BIN3: variants seen among roughly 807,000 people sequenced by gnomAD.
BIN3 encodes bridging integrator 3.
BIN3 carries 41 observed loss-of-function variants against 38.2 expected under a neutral mutation model. The observed-to-expected ratio is 1.07, with a 90% CI of 0.84 to 1.39. The LOEUF is 1.39. BIN3 is among the 40% of genes most tolerant of loss of function. The pLI is 0.00. For synonymous variants in BIN3, 145 were observed against 122.6 expected, an observed-to-expected ratio of 1.18 and a Z score of -1.21; for missense variants, 361 against 324.3, an observed-to-expected ratio of 1.11 and a Z score of -0.87.
chr8:22,630,672 A>G (rs770146937), intron 4 of BIN3, 94 bp from the exon 5 acceptor site: 5 of 1,410,460 alleles, frequency 3.5e-6, no homozygotes, highest in South Asian at 1.3e-5. Context: ...AGGGGCCTGC[A>G]CCCTGAAGAC....
intron 1 of BIN3, among the ~76,000 whole-genome samples, chr8:22,645,917 G>A: frequency 6.6e-6 from 1 of 152,144 alleles, no homozygotes; most frequent in East Asian, 1.9e-4. Context: ...CTGAAATCCA[G>A]CCCAAGTCTG....
intron 1 of BIN3, among the ~76,000 whole-genome samples, chr8:22,658,264 C>T (rs1335152443): frequency 1.3e-5 from 2 of 152,046 alleles, no homozygotes; most frequent in South Asian, 2.1e-4. Flanking sequence ...AACTGCCCCA[C>T]CGCAAAAAAG....
intron 1 of BIN3, among the ~76,000 whole-genome samples, chr8:22,655,959 T>C (rs1213377820): frequency 2.0e-5 from 3 of 152,314 alleles, no homozygotes; most frequent in South Asian, 2.1e-4. Flanking sequence ...TTTAGATGTA[T>C]AAAAGTTCCT....
At chr8:22,650,963 C>A (rs1360913039) in intron 1 of BIN3, among the ~76,000 whole-genome samples, 1 of 152,150 alleles carries the variant, frequency 6.6e-6, no homozygotes, top group Non-Finnish European at 1.5e-5. Context: ...TTCCATCCTG[C>A]CCTTGGGAGC....
chr8:22,624,593 T>C (rs1163139982), intron 6 of BIN3: 3 of 535,480 alleles, frequency 5.6e-6, no homozygotes, highest in South Asian at 2.7e-5. Context: ...CCCTGTCCCC[T>C]GGAGCTTGTG....
At chr8:22,623,234 TGGG>T (rs1351352817) in intron 8 of BIN3, among the ~76,000 whole-genome samples, 3 of 152,172 alleles carry the variant, frequency 2.0e-5, no homozygotes, top group Non-Finnish European at 4.4e-5. Context: ...TTTTGCCAGT[TGGG>T]GGAACAATCC....
chr8:22,630,619 C>T, intron 4 of BIN3, 41 bp from the exon 5 acceptor site: 1 of 1,609,736 alleles, frequency 6.2e-7, no homozygotes, highest in Non-Finnish European at 8.5e-7. Context: ...TATGAAGGGG[C>T]AGGTTTCACG....
chr8:22,638,253 C>T (rs577745605), intron 2 of BIN3, among the ~76,000 whole-genome samples: 3 of 152,270 alleles, frequency 2.0e-5, no homozygotes, highest in South Asian at 4.2e-4. Flanking sequence ...TAGCACTCCA[C>T]GTTTGGATTT....
chr8:22,642,045 T>C (rs1802580059), intron 2 of BIN3, among the ~76,000 whole-genome samples: 1 of 152,132 alleles, frequency 6.6e-6, no homozygotes, highest in African/African-American at 2.4e-5. Context: ...AATAATGGAA[T>C]TTGTGTTAAT....
At chr8:22,651,890 G>A (rs1293289422) in intron 1 of BIN3, among the ~76,000 whole-genome samples, 1 of 150,986 alleles carries the variant, frequency 6.6e-6, no homozygotes, top group Non-Finnish European at 1.5e-5. Context: ...CTTGTTTTCT[G>A]TTTCTTACTT....
chr8:22,656,551 A>G (rs1418835346), intron 1 of BIN3, among the ~76,000 whole-genome samples: 1 of 152,166 alleles, frequency 6.6e-6, no homozygotes, highest in African/African-American at 2.4e-5. Context: ...TTTCCCCAAC[A>G]TTTACACCTA....
chr8:22,640,561 A>G (rs1802516093), intron 2 of BIN3, among the ~76,000 whole-genome samples: 1 of 152,166 alleles, frequency 6.6e-6, no homozygotes, highest in Admixed American at 6.5e-5. Flanking sequence ...ATTTATTTCC[A>G]GAAAGAGAAA....
chr8:22,657,836 G>A (rs1803104187), intron 1 of BIN3, among the ~76,000 whole-genome samples: 1 of 152,238 alleles, frequency 6.6e-6, no homozygotes, highest in Non-Finnish European at 1.5e-5. Context: ...GACTTCCTTA[G>A]GAGAAGCAGC....
intron 8 of BIN3, chr8:22,622,744 T>C (rs566813818): frequency 3.2e-4 from 48 of 152,220 alleles, no homozygotes; most frequent in African/African-American, 1.1e-3. Flanking sequence ...CAGGTGACAG[T>C]GAGGAAGAGG....
intron 1 of BIN3, among the ~76,000 whole-genome samples, chr8:22,659,521 C>T (rs1244328709): frequency 6.6e-6 from 1 of 152,222 alleles, no homozygotes; most frequent in African/African-American, 2.4e-5. Context: ...AACGTTAAGT[C>T]ACACGAGAGC....
At chr8:22,621,697 G>T in intron 8 of BIN3, 129 bp from the exon 9 acceptor site, 1 of 1,017,154 alleles carries the variant, frequency 9.8e-7, no homozygotes, top group Non-Finnish European at 1.4e-6. Context: ...GCGTGCCTTT[G>T]GGGATATGCA....
At chr8:22,630,125 C>T in intron 5 of BIN3, 121 bp from the exon 6 acceptor site, 2 of 1,160,544 alleles carry the variant, frequency 1.7e-6, no homozygotes, top group Non-Finnish European at 2.5e-6. Context: ...CTGTCCTTGT[C>T]CTGGGCCTGG....
intron 4 of BIN3, chr8:22,634,270 G>T: frequency 3.4e-6 from 1 of 297,922 alleles, no homozygotes; most frequent in South Asian, 2.8e-5. Context: ...CTTGGCTTGT[G>T]ACACACATAG....
At chr8:22,664,660 C>T (rs1165641218) in intron 1 of BIN3, among the ~76,000 whole-genome samples, 1 of 152,244 alleles carries the variant, frequency 6.6e-6, no homozygotes, top group Non-Finnish European at 1.5e-5. Flanking sequence ...TTCTAATATT[C>T]CTGATCATGG....
Sources: allele counts gnomAD v4.1 joint callset (sites outside exome capture counted in the v4.1 genomes callset), GRCh38; gene constraint gnomAD v4.1.1; transcripts MANE v1.5; gene names NCBI Gene and HGNC (gene_info 2026-07-23, HGNC 2026-07-21).